Variants in ZNF407 observed in about 807,000 individuals in gnomAD.
ZNF407 encodes zinc finger protein 407.
ZNF407 carries 17 observed loss-of-function variants against 131.2 expected under a neutral mutation model. The observed-to-expected ratio is 0.13, with a 90% CI of 0.09 to 0.19. The LOEUF is 0.19. Among genes scored for constraint, ZNF407 ranks in the 10% least tolerant of loss-of-function variants. The probability of loss-of-function intolerance (pLI) is 1.00; values close to 1 mark genes in which losing one functional copy is unlikely to be tolerated. For synonymous variants in ZNF407, 1,156 were observed against 1,062.0 expected (o/e 1.09, Z -1.72); for missense variants, 2,681 against 2,830.6 (o/e 0.95, Z 1.20).
intron 3 of ZNF407, among the ~76,000 whole-genome samples, chr18:74,778,034 T>TA (rs1224606419): frequency 6.6e-6 from 1 of 151,908 alleles, no homozygotes; most frequent in Non-Finnish European, 1.5e-5. Flanking sequence ...GTGAGCTATT[T>TA]AAAAAAAATA....
intron 8 of ZNF407, among the ~76,000 whole-genome samples, chr18:75,055,410 C>T (rs1343318144): frequency 1.3e-5 from 2 of 152,186 alleles, no homozygotes; most frequent in African/African-American, 4.8e-5. Context: ...TGCCCTTCCT[C>T]TCCACCCCAC....
intron 8 of ZNF407, among the ~76,000 whole-genome samples, chr18:74,963,144 C>G (rs1972367557): frequency 6.7e-6 from 1 of 148,666 alleles, no homozygotes; most frequent in African/African-American, 2.6e-5. Context: ...ATTGACTAAC[C>G]TTCATTCCTT....
At chr18:74,867,586 A>C (rs1971031379) in intron 4 of ZNF407, among the ~76,000 whole-genome samples, 1 of 152,216 alleles carries the variant, frequency 6.6e-6, no homozygotes, top group South Asian at 2.1e-4. Flanking sequence ...ATCTGACTGC[A>C]AATGTGATTT....
intron 4 of ZNF407, among the ~76,000 whole-genome samples, chr18:74,836,645 G>T (rs1346440064): frequency 6.6e-6 from 1 of 152,198 alleles, no homozygotes; most frequent in Non-Finnish European, 1.5e-5. Context: ...CTCTTTAGGT[G>T]TTTGATGGAT....
intron 7 of ZNF407, among the ~76,000 whole-genome samples, chr18:74,891,719 C>A (rs1304570275): frequency 2.0e-5 from 3 of 152,064 alleles, no homozygotes; most frequent in Non-Finnish European, 4.4e-5. Flanking sequence ...ATTAAATGTT[C>A]TTTTTCCTTA....
intron 8 of ZNF407, among the ~76,000 whole-genome samples, chr18:74,949,733 G>C (rs1227149250): frequency 2.0e-5 from 3 of 152,108 alleles, no homozygotes; most frequent in African/African-American, 7.2e-5. Context: ...TGCTTCTGTG[G>C]ATAAGCAGTG....
At chr18:74,967,229 A>C (rs1048757102) in intron 8 of ZNF407, among the ~76,000 whole-genome samples, 1 of 152,228 alleles carries the variant, frequency 6.6e-6, no homozygotes, top group African/African-American at 2.4e-5. Context: ...CCTGGGCGAC[A>C]GAGACCCTAA....
chr18:74,890,958 G>T (rs1005319231), intron 7 of ZNF407, among the ~76,000 whole-genome samples: 1 of 152,232 alleles, frequency 6.6e-6, no homozygotes, highest in Non-Finnish European at 1.5e-5. Context: ...TGGATGTTCA[G>T]TGCACTCACT....
chr18:74,682,717 A>C (rs1161312923), intron 3 of ZNF407, among the ~76,000 whole-genome samples: 1 of 152,160 alleles, frequency 6.6e-6, no homozygotes, highest in Non-Finnish European at 1.5e-5. Flanking sequence ...TTTTCTATCT[A>C]CAGTTCTGGG....
chr18:75,016,702 T>C (rs115134301), intron 8 of ZNF407, among the ~76,000 whole-genome samples: 1,550 of 152,294 alleles, frequency 0.01, 23 homozygotes, highest in African/African-American at 0.035. Flanking sequence ...TAGTGAACTT[T>C]CTCTTGGTGT....
chr18:74,894,907 A>C (rs1971432602), intron 7 of ZNF407, among the ~76,000 whole-genome samples: 1 of 152,124 alleles, frequency 6.6e-6, no homozygotes, highest in African/African-American at 2.4e-5. Flanking sequence ...AGTTTTCCTT[A>C]ACTGTGTCAC....
At chr18:74,660,736 A>G (rs973087520) in intron 3 of ZNF407, among the ~76,000 whole-genome samples, 1 of 152,158 alleles carries the variant, frequency 6.6e-6, no homozygotes, top group African/African-American at 2.4e-5. Flanking sequence ...CTAAAATGTT[A>G]TTAGGGGAGA....
rs1014726128 is a variant in ZNF407, at chr18:74,668,826, A to C, written c.4802+27704A>C. 9.2e-5 allele frequency among the ~76,000 whole-genome samples: 14 copies of C among 152,046 alleles called. 1 individual carries two copies. Among genetic ancestry groups the C allele is most frequent in the Admixed American group, 7.2e-4 (11 of 15,292 alleles). On this transcript the variant is annotated intron_variant, in intron 3 of 8. Transcript: ENST00000299687. ...CTTGATGTATTTTCAGTTTCATAGA[A>C]CTTAGGTGTTTCTGTGTTGGCTTAG...
intron 7 of ZNF407, among the ~76,000 whole-genome samples, chr18:74,896,383 A>C (rs143527181): frequency 0.012 from 1,763 of 152,320 alleles, 39 homozygotes; most frequent in African/African-American, 0.04. Flanking sequence ...TAAAAATACA[A>C]ATGTCCCAGG....
intron 4 of ZNF407, among the ~76,000 whole-genome samples, chr18:74,849,625 C>T (rs1395950248): frequency 1.3e-5 from 2 of 152,168 alleles, no homozygotes; most frequent in African/African-American, 2.4e-5. Context: ...GCTGCACCTC[C>T]GTGCTCTTCA....
At chr18:74,605,053 C>T (rs908901559) in intron 1 of ZNF407, among the ~76,000 whole-genome samples, 49 of 152,300 alleles carry the variant, frequency 3.2e-4, no homozygotes, top group African/African-American at 1.0e-3. Context: ...GTCTAATTTT[C>T]ATGTATCAGG....
intron 8 of ZNF407, among the ~76,000 whole-genome samples, chr18:74,994,922 A>C (rs528827644): frequency 1.3e-5 from 2 of 152,320 alleles, no homozygotes; most frequent in East Asian, 3.9e-4. Context: ...CTATCTAGAC[A>C]TAAAAGCAAC....
intron 8 of ZNF407, among the ~76,000 whole-genome samples, chr18:75,034,850 G>A (rs904837157): frequency 2.6e-5 from 4 of 152,144 alleles, no homozygotes; most frequent in Non-Finnish European, 1.5e-5. Flanking sequence ...AAACTAAGTT[G>A]ACATGTGGGA....
chr18:74,721,634 G>A (rs1361829613), intron 3 of ZNF407, among the ~76,000 whole-genome samples: 1 of 152,150 alleles, frequency 6.6e-6, no homozygotes, highest in Non-Finnish European at 1.5e-5. Context: ...TAAATGTAAA[G>A]TGAGTCTCTT....
Sources: gnomAD v4.1 joint callset for allele counts (sites outside exome capture counted in the v4.1 genomes callset) on GRCh38, gnomAD v4.1.1 for gene constraint, MANE v1.5 for transcripts, NCBI Gene and HGNC (gene_info 2026-07-23, HGNC 2026-07-21) for gene names.